Variants in CCDC102B observed in about 807,000 individuals in gnomAD.
CCDC102B encodes coiled-coil domain containing 102B.
In CCDC102B, 75 loss-of-function variants were observed where a neutral mutation model predicts 57.4. The observed-to-expected ratio is 1.31, with a 90% CI of 1.08 to 1.58. The LOEUF (loss-of-function observed/expected upper bound fraction) is 1.58. Ranked by LOEUF, CCDC102B falls within the 40% of genes most tolerant of loss-of-function variation. CCDC102B has a pLI of 0.00. For synonymous variants in CCDC102B, 206 were observed against 201.9 expected (o/e 1.02, Z -0.17); for missense variants, 636 against 582.6 (o/e 1.09, Z -0.94).
intron 6 of CCDC102B, among the ~76,000 whole-genome samples, chr18:68,976,907 A>G (rs1231077810): frequency 6.6e-6 from 1 of 151,956 alleles, no homozygotes; most frequent in Non-Finnish European, 1.5e-5. Context: ...ATAATATTAT[A>G]TTTTTGCTAA....
chr18:68,787,832 G>C (rs1233019162), intron 2 of CCDC102B, among the ~76,000 whole-genome samples: 1 of 151,930 alleles, frequency 6.6e-6, no homozygotes, highest in Admixed American at 6.6e-5. Flanking sequence ...ATTTCCTTCA[G>C]TTCTGTTCTG....
chr18:68,945,021 G>A (rs2049492209), intron 6 of CCDC102B, among the ~76,000 whole-genome samples: 1 of 151,744 alleles, frequency 6.6e-6, no homozygotes, highest in Non-Finnish European at 1.5e-5. Flanking sequence ...CAAATAGTGT[G>A]ACATGCTACA....
At chr18:68,857,128 TTTTTATATA>T in intron 4 of CCDC102B, among the ~76,000 whole-genome samples, 1 of 63,364 alleles carries the variant, frequency 1.6e-5, no homozygotes, top group African/African-American at 7.1e-5. Context: ...TATTTATATA[TTTTTATATA>T]TTATATATAA....
intron 2 of CCDC102B, among the ~76,000 whole-genome samples, chr18:68,744,869 G>A (rs1347089436): frequency 1.3e-5 from 2 of 152,148 alleles, no homozygotes; most frequent in South Asian, 2.1e-4. Flanking sequence ...AATGCTCTCC[G>A]AAGTCTATCC....
chr18:68,949,654 T>C (rs2049640510), intron 6 of CCDC102B, among the ~76,000 whole-genome samples: 1 of 152,128 alleles, frequency 6.6e-6, no homozygotes, highest in Non-Finnish European at 1.5e-5. Context: ...GATTTTCCTA[T>C]ATGAAATCAA....
chr18:68,747,103 C>T (rs575435583), intron 2 of CCDC102B, among the ~76,000 whole-genome samples: 17 of 152,142 alleles, frequency 1.1e-4, no homozygotes, highest in East Asian at 9.6e-4. Context: ...ATTCTCTCTT[C>T]TGGCTGTTTG....
intron 7 of CCDC102B, among the ~76,000 whole-genome samples, chr18:69,043,199 C>T (rs1457999200): frequency 6.6e-6 from 1 of 152,138 alleles, no homozygotes; most frequent in Admixed American, 6.6e-5. Context: ...CAATGCTTTA[C>T]AAAGCAGTAT....
intron 4 of CCDC102B, among the ~76,000 whole-genome samples, chr18:68,857,758 C>T (rs117334694): frequency 2.0e-5 from 3 of 151,926 alleles, no homozygotes; most frequent in Non-Finnish European, 4.4e-5. Flanking sequence ...AAACTAGTGA[C>T]GTTGAATGGC....
At chr18:68,832,291 G>A (rs971059871) in intron 1 of CCDC102B, among the ~76,000 whole-genome samples, 26 of 152,148 alleles carry the variant, frequency 1.7e-4, no homozygotes, top group Non-Finnish European at 2.6e-4. Flanking sequence ...TGTCACTTGG[G>A]AGAGACTTTC....
At chr18:68,733,506 A>ATATATATATATT (rs1286743067) in intron 2 of CCDC102B, among the ~76,000 whole-genome samples, 2 of 87,644 alleles carry the variant, frequency 2.3e-5, no homozygotes, top group African/African-American at 1.1e-4. Flanking sequence ...ATATATATAT[A>ATATATATATATT]TTTTTTTAAC....
intron 2 of CCDC102B, 33 bp downstream of exon 2, chr18:68,837,402 C>A: frequency 6.3e-7 from 1 of 1,580,320 alleles, no homozygotes; most frequent in South Asian, 1.2e-5. Flanking sequence ...ATGTGAATTT[C>A]TGAAGGTCAT....
At chr18:68,911,426 G>T (rs994267457) in intron 6 of CCDC102B, among the ~76,000 whole-genome samples, 3 of 152,064 alleles carry the variant, frequency 2.0e-5, no homozygotes, top group Non-Finnish European at 2.9e-5. Flanking sequence ...AGACACGGGG[G>T]TCTACAGGAG....
At chr18:68,799,587 C>T (rs920219638) in intron 1 of CCDC102B, among the ~76,000 whole-genome samples, 3 of 152,042 alleles carry the variant, frequency 2.0e-5, no homozygotes, top group Admixed American at 6.6e-5. Context: ...TGCCATAATG[C>T]CAAAATATTC....
chr18:68,872,130 T>G (rs558010938), intron 4 of CCDC102B, among the ~76,000 whole-genome samples: 1 of 152,278 alleles, frequency 6.6e-6, no homozygotes, highest in East Asian at 1.9e-4. Flanking sequence ...TGACAAAGAC[T>G]GACAGAGAAA....
intron 6 of CCDC102B, among the ~76,000 whole-genome samples, chr18:68,966,472 T>C (rs1758641594): frequency 6.6e-6 from 1 of 152,154 alleles, no homozygotes; most frequent in Non-Finnish European, 1.5e-5. Flanking sequence ...TACTTTGTTA[T>C]TGCTATGGTT....
intron 2 of CCDC102B, among the ~76,000 whole-genome samples, chr18:68,752,486 A>C (rs1014690204): frequency 6.6e-6 from 1 of 151,742 alleles, no homozygotes; most frequent in African/African-American, 2.4e-5. Flanking sequence ...TCTGAAAAAA[A>C]AAAAAAACAA....
At chr18:69,000,354 T>G (rs905189083) in intron 6 of CCDC102B, among the ~76,000 whole-genome samples, 20 of 152,182 alleles carry the variant, frequency 1.3e-4, no homozygotes, top group Non-Finnish European at 2.4e-4. Flanking sequence ...TGTCTTGATT[T>G]CTTCTGGGAT....
intron 2 of CCDC102B, among the ~76,000 whole-genome samples, chr18:68,776,713 T>C (rs1181589376): frequency 1.3e-5 from 2 of 151,846 alleles, no homozygotes; most frequent in Non-Finnish European, 2.9e-5. Context: ...TAATGGGTAA[T>C]AGGCTTAATA....
chr18:68,900,391 G>A (rs987833882), intron 6 of CCDC102B: 2 of 152,080 alleles, frequency 1.3e-5, no homozygotes, highest in African/African-American at 4.8e-5. Flanking sequence ...TTGATCATTA[G>A]AATGTACATT....
Sources: allele counts gnomAD v4.1 joint callset (sites outside exome capture counted in the v4.1 genomes callset), GRCh38; gene constraint gnomAD v4.1.1; transcripts MANE v1.5; gene names NCBI Gene and HGNC (gene_info 2026-07-23, HGNC 2026-07-21).